The following ODAD1 variants were observed in gnomAD, a reference collection of about 807,000 sequenced individuals.
The protein encoded by ODAD1 is outer dynein arm-docking complex subunit 1.
Under a neutral mutation model 67.2 loss-of-function variants are expected in ODAD1, and 49 were observed. The observed-to-expected ratio is 0.73, with a 90% CI of 0.58 to 0.92. ODAD1 has a LOEUF of 0.92. Among genes scored for constraint, ODAD1 ranks in the 40% least tolerant of loss-of-function variants. The pLI is 0.00. For missense variants in ODAD1, 897 were observed against 953.7 expected, an observed-to-expected ratio of 0.94 and a Z score of 0.78; for synonymous variants, 345 against 393.7, an observed-to-expected ratio of 0.88 and a Z score of 1.46.
At chr19:48,302,957 A>C in intron 11 of ODAD1, 56 bp downstream of exon 11, 17 of 854,250 alleles carry the variant, frequency 2.0e-5, no homozygotes, top group Non-Finnish European at 2.6e-5. Context: ...GAGGGAGGGA[A>C]GGGGGCGGGG....
intron 3 of ODAD1, 53 bp downstream of exon 3, chr19:48,320,246 A>G: frequency 8.7e-7 from 1 of 1,150,218 alleles, no homozygotes. Flanking sequence ...GAACTTGGGA[A>G]AGCTGGGGGC....
intron 12 of ODAD1, 134 bp downstream of exon 12, chr19:48,302,560 A>G: frequency 3.0e-6 from 2 of 669,386 alleles, no homozygotes; most frequent in Non-Finnish European, 5.1e-6. Flanking sequence ...CTGGTTGGAA[A>G]GATGGACAGA....
At chr19:48,315,971 T>C (rs906987801) in intron 5 of ODAD1, among the ~76,000 whole-genome samples, 26 of 152,244 alleles carry the variant, frequency 1.7e-4, no homozygotes, top group African/African-American at 6.3e-4. Flanking sequence ...TGGGTTGTTA[T>C]GAATATTCAT....
At chr19:48,298,406 C>G (rs1404340563) in intron 12 of ODAD1, 66 bp from the exon 13 acceptor site, 3 of 1,527,468 alleles carry the variant, frequency 2.0e-6, no homozygotes, top group African/African-American at 2.7e-5. Flanking sequence ...CCTCTCCCCA[C>G]TCAGGTCCTC....
At chr19:48,314,671 T>C (rs906906641) in intron 5 of ODAD1, among the ~76,000 whole-genome samples, 1 of 152,146 alleles carries the variant, frequency 6.6e-6, no homozygotes, top group Non-Finnish European at 1.5e-5. Context: ...GTGGGCGCAG[T>C]GTCTCACGCC....
At chr19:48,312,708 C>T (rs1372782045) in intron 5 of ODAD1, among the ~76,000 whole-genome samples, 1 of 152,114 alleles carries the variant, frequency 6.6e-6, no homozygotes, top group African/African-American at 2.4e-5. Context: ...AGAGCCACTG[C>T]ACCCGGCCCT....
In ODAD1 at chr19:48,297,429, C is replaced by G; in HGVS notation, c.1671G>C (p.Leu557=). The stretch of plus-strand genomic sequence containing the variant: ...TGGAGCCGGCCCTCTGGGTGCTGGC[C>G]AGGTCCACGCTCAGGGTGCCGTCCA... The part of the protein sequence containing the change: ...AKLDGTLSVD[L]ASTQRAGSST... The change falls in exon 16 of 16, where the codon CTG becomes CTC. Residue 557 remains leucine, a synonymous_variant. Coordinates refer to ENST00000674294, the MANE Select transcript of ODAD1 (RefSeq NM_001364171.2). The G allele has an allele frequency of 2.5e-6, 4 of 1,603,868 alleles. No homozygotes were observed. Among genetic ancestry groups the G allele is most frequent in the Non-Finnish European group, 3.4e-6 (4 of 1,179,150 alleles).
intron 14 of ODAD1, 63 bp from the exon 15 acceptor site, chr19:48,297,731 T>C (rs1004744198): frequency 2.0e-5 from 26 of 1,312,354 alleles, no homozygotes; most frequent in African/African-American, 3.0e-5. Context: ...CCAGCGGCCC[T>C]TCCTGCTAAA....
intron 12 of ODAD1, among the ~76,000 whole-genome samples, chr19:48,301,378 G>C (rs867562977): frequency 2.2e-4 from 34 of 152,294 alleles, no homozygotes; most frequent in African/African-American, 7.0e-4. Context: ...TGGATGGGTG[G>C]ATGATGGATA....
intron 1 of ODAD1, among the ~76,000 whole-genome samples, 154 bp from the exon 2 acceptor site, chr19:48,320,965 G>A (rs1028688761): frequency 6.6e-6 from 1 of 152,286 alleles, no homozygotes; most frequent in East Asian, 1.9e-4. Context: ...GGCCAGGCGC[G>A]GTGGCTCACG....
intron 8 of ODAD1, among the ~76,000 whole-genome samples, chr19:48,305,469 A>G (rs1479399730): frequency 6.6e-6 from 1 of 150,852 alleles, no homozygotes; most frequent in East Asian, 2.0e-4. Context: ...CAGTGGTGCA[A>G]TCTCGGCTCA....
intron 5 of ODAD1, among the ~76,000 whole-genome samples, chr19:48,317,051 A>C (rs1474263244): frequency 6.6e-6 from 1 of 152,152 alleles, no homozygotes; most frequent in Non-Finnish European, 1.5e-5. Flanking sequence ...GCTGGAGTGC[A>C]ACGGGGCAAT....
Position 48,297,167 on chromosome 19 carries a change from T to A in ODAD1, c.1933A>T (p.Ser645Cys), listed in dbSNP as rs769507974. Reference protein sequence around the residue: ...HVTFRPVSASSYLGSTGYVGS... With the variant: ...HVTFRPVSASCYLGSTGYVGS... Reference sequence around the variant, plus strand: ...ACGTATCCAGTGGAGCCCAGGTAGCTGCTGGCGCTGACGGGTCTGAAGGTC... The same window carrying A: ...ACGTATCCAGTGGAGCCCAGGTAGCAGCTGGCGCTGACGGGTCTGAAGGTC... The change falls in exon 16 of 16, where the codon AGC (serine) becomes TGC (cysteine). Residue 645 changes from serine (S) to cysteine (C), a missense_variant. By Grantham distance (112) the Ser-to-Cys change is moderately radical. Transcript: ENST00000674294. 1.9e-6 allele frequency: 3 copies of A among 1,614,144 alleles called. No homozygotes were observed. The highest frequency in any genetic ancestry group is 2.5e-6 in the Non-Finnish European group (3 of 1,180,014).
intron 12 of ODAD1, among the ~76,000 whole-genome samples, chr19:48,301,536 G>T (rs1379645284): frequency 6.6e-6 from 1 of 152,110 alleles, no homozygotes; most frequent in African/African-American, 2.4e-5. Flanking sequence ...AACATTTTTG[G>T]TAACTAAGAC....
chr19:48,318,542 C>T lies in ODAD1; in HGVS notation c.205G>A (p.Asp69Asn), dbSNP rs1342144946. 1.7e-5 allele frequency: 27 copies of T among 1,551,366 alleles called. No homozygotes were observed. Among genetic ancestry groups the T allele is most frequent in the East Asian group, 7.3e-5 (3 of 40,924 alleles). ...EIRRLEEVRG[D>N]LQVQISAAQN... is the part of the protein sequence containing the mutation. ...GCTGCGCTGATCTGCACCTGGAGAT[C>T]GCCCCGTACCTCCTCCAAGCGCCGG... Residue 69 changes from aspartate to asparagine, a missense_variant, in exon 5 of 16, where the codon GAT becomes AAT. Coordinates refer to ENST00000674294, the MANE Select transcript of ODAD1 (RefSeq NM_001364171.2).
intron 5 of ODAD1, among the ~76,000 whole-genome samples, chr19:48,317,502 A>C (rs2147335101): frequency 6.6e-6 from 1 of 152,312 alleles, no homozygotes; most frequent in East Asian, 1.9e-4. Flanking sequence ...GCCCCCGATC[A>C]CAGAGCTCCG....
chr19:48,318,630 C>T (rs1968964499), intron 4 of ODAD1, 54 bp from the exon 5 acceptor site: 5 of 1,541,814 alleles, frequency 3.2e-6, no homozygotes, highest in African/African-American at 1.4e-5. Flanking sequence ...AACTCAGCAT[C>T]ACTAAAGGCA....
chr19:48,302,259 A>G (rs1968484444), intron 12 of ODAD1, among the ~76,000 whole-genome samples: 1 of 152,054 alleles, frequency 6.6e-6, no homozygotes, highest in Admixed American at 6.6e-5. Context: ...AGATAGATAT[A>G]GGACAGATGA....
rs143475766 is a variant in ODAD1, at chr19:48,298,072, G to C, written c.1430C>G (p.Ala477Gly). 2.5e-6 allele frequency: 4 copies of C among 1,613,126 alleles called. No homozygotes were observed. The highest frequency in any genetic ancestry group is 3.4e-6 in the Non-Finnish European group (4 of 1,179,728). ...AQSFTSLADA[A>G]LLVLGQSLED... ...CAGGCTCTGGCCCAGCACTAGGAGG[G>C]CAGCGTCGGCCAGGGAGGTGAAGCT... The change falls in exon 14 of 16, where the codon GCC (alanine) becomes GGC (glycine). Residue 477 changes from alanine (A) to glycine (G), a missense_variant. Transcript: ENST00000674294.
Sources: allele counts gnomAD v4.1 joint callset (sites outside exome capture counted in the v4.1 genomes callset), GRCh38; gene constraint gnomAD v4.1.1; transcripts MANE v1.5; gene names NCBI Gene and HGNC (gene_info 2026-07-23, HGNC 2026-07-21).